Variants in HCN1 observed in about 807,000 individuals in gnomAD.
HCN1 encodes the protein hyperpolarization activated cyclic nucleotide gated potassium channel 1, also known as potassium/sodium hyperpolarization-activated cyclic nucleotide-gated channel 1.
Under a neutral mutation model 78.9 loss-of-function variants are expected in HCN1, and 13 were observed. The observed-to-expected ratio is 0.16, with a 90% CI of 0.11 to 0.26. The LOEUF (loss-of-function observed/expected upper bound fraction) is 0.26, where lower values mean the gene tolerates loss of function less well. Among genes scored for constraint, HCN1 ranks in the 10% least tolerant of loss-of-function variants. The pLI is 1.00. For missense variants in HCN1, 810 were observed against 1,154.3 expected, an observed-to-expected ratio of 0.70 and a Z score of 4.32; for synonymous variants, 552 against 455.5, an observed-to-expected ratio of 1.21 and a Z score of -2.70.
chr5:45,270,513 T>C (rs1306432770), intron 6 of HCN1, among the ~76,000 whole-genome samples: 1 of 152,186 alleles, frequency 6.6e-6, no homozygotes, highest in Non-Finnish European at 1.5e-5. Context: ...ACTTCACTCA[T>C]ATCAAAAGTA....
At chr5:45,375,479 AT>A (rs1400247239) in intron 4 of HCN1, among the ~76,000 whole-genome samples, 2 of 87,988 alleles carry the variant, frequency 2.3e-5, no homozygotes, top group Non-Finnish European at 3.7e-5. Flanking sequence ...ATAAGATCAT[AT>A]TTTATGATAC....
chr5:45,672,072 T>C (rs1365837754), intron 1 of HCN1, among the ~76,000 whole-genome samples: 1 of 151,528 alleles, frequency 6.6e-6, no homozygotes, highest in Non-Finnish European at 1.5e-5. Flanking sequence ...AGAGAGGATG[T>C]TGTGGAATAT....
chr5:45,458,714 T>A (rs1168951113), intron 3 of HCN1, among the ~76,000 whole-genome samples: 1 of 152,138 alleles, frequency 6.6e-6, no homozygotes, highest in African/African-American at 2.4e-5. Flanking sequence ...TACTCTTGGT[T>A]CTATAATCTA....
chr5:45,605,545 A>C (rs1744708489), intron 2 of HCN1, among the ~76,000 whole-genome samples: 1 of 151,726 alleles, frequency 6.6e-6, no homozygotes. Context: ...AACTGAAGAA[A>C]ACTAGTGTCA....
chr5:45,687,608 T>C (rs1261922727), intron 1 of HCN1, among the ~76,000 whole-genome samples: 1 of 152,158 alleles, frequency 6.6e-6, no homozygotes, highest in Non-Finnish European at 1.5e-5. Context: ...GGAGTATTTT[T>C]TATAATACTG....
In HCN1 at chr5:45,405,047, G is replaced by C. The variant is rs76175118; in HGVS notation, c.1012-8337C>G. Among the ~76,000 whole-genome samples, 130 of 152,192 alleles carry C rather than the reference G, an allele frequency of 8.5e-4. 1 individual carries two copies. In the East Asian group the frequency reaches 0.024, roughly 28 times the overall value. On this transcript the variant is annotated intron_variant, in intron 3 of 7. Coordinates refer to ENST00000303230, the MANE Select transcript of HCN1 (RefSeq NM_021072.4). ...ACTGCTAAAATATTGAAGAATTAAT[G>C]GATAATAAAGAGGTGAAATTAGAAA...
intron 4 of HCN1, among the ~76,000 whole-genome samples, chr5:45,395,807 A>G (rs1739675126): frequency 1.3e-5 from 2 of 152,140 alleles, no homozygotes; most frequent in Non-Finnish European, 2.9e-5. Context: ...TACTGTCCCA[A>G]TACCCTATAT....
At chr5:45,269,271 C>G (rs1376777680) in intron 6 of HCN1, among the ~76,000 whole-genome samples, 1 of 152,142 alleles carries the variant, frequency 6.6e-6, no homozygotes, top group Non-Finnish European at 1.5e-5. Flanking sequence ...TATTTGAATT[C>G]TACACTTTAA....
intron 1 of HCN1, among the ~76,000 whole-genome samples, chr5:45,693,882 T>C (rs1175986863): frequency 6.6e-6 from 1 of 152,226 alleles, no homozygotes; most frequent in African/African-American, 2.4e-5. Flanking sequence ...TGCATGTTAA[T>C]ATTGAACCTG....
At chr5:45,373,353 A>G (rs924563323) in intron 4 of HCN1, among the ~76,000 whole-genome samples, 3 of 119,648 alleles carry the variant, frequency 2.5e-5, no homozygotes, top group African/African-American at 1.0e-4. Context: ...TAAAATATAT[A>G]TTTATAAATA....
chr5:45,324,844 A>T (rs887946946), intron 5 of HCN1, among the ~76,000 whole-genome samples: 1 of 151,814 alleles, frequency 6.6e-6, no homozygotes, highest in African/African-American at 2.4e-5. Context: ...AAAATTTTTT[A>T]AAGTTAAAAT....
At chr5:45,361,967 T>C (rs1225705304) in intron 4 of HCN1, among the ~76,000 whole-genome samples, 1 of 152,134 alleles carries the variant, frequency 6.6e-6, no homozygotes, top group Non-Finnish European at 1.5e-5. Flanking sequence ...AAAACATCTT[T>C]AGTATGTTAA....
chr5:45,473,183 C>A (rs539803609), intron 2 of HCN1, among the ~76,000 whole-genome samples: 54 of 151,968 alleles, frequency 3.6e-4, no homozygotes, highest in Admixed American at 1.8e-3. Context: ...ATATTTTGTT[C>A]CAATATTAAC....
intron 2 of HCN1, among the ~76,000 whole-genome samples, chr5:45,568,178 C>A (rs1227733872): frequency 1.3e-5 from 2 of 151,854 alleles, no homozygotes; most frequent in African/African-American, 4.8e-5. Context: ...AGAGTATTTT[C>A]TCTTTCTTGA....
At chr5:45,363,280 A>G (rs925669019) in intron 4 of HCN1, among the ~76,000 whole-genome samples, 4 of 151,104 alleles carry the variant, frequency 2.6e-5, no homozygotes, top group African/African-American at 9.7e-5. Context: ...TGGAAAGTCC[A>G]TCTCAGGGTT....
chr5:45,375,301 A>T (rs534220901), intron 4 of HCN1, among the ~76,000 whole-genome samples: 188 of 118,998 alleles, frequency 1.6e-3, no homozygotes, highest in African/African-American at 5.9e-3. Context: ...ATATTTCATG[A>T]TATACAATAT....
chr5:45,545,735 T>C (rs536595599), intron 2 of HCN1, among the ~76,000 whole-genome samples: 32 of 152,262 alleles, frequency 2.1e-4, no homozygotes, highest in African/African-American at 7.2e-4. Flanking sequence ...TTTTGTCAGG[T>C]TTGTCAAAGA....
intron 2 of HCN1, among the ~76,000 whole-genome samples, chr5:45,628,843 GGT>G (rs1202423108): frequency 7.9e-5 from 12 of 151,762 alleles, no homozygotes; most frequent in African/African-American, 2.9e-4. Context: ...CATGCTGGTG[GGT>G]GCCTGTAATC....
Position 45,374,828 on chromosome 5 carries a change from AGAT to A in HCN1, c.1231-21585_1231-21583del, listed in dbSNP as rs1198500497. Among the ~76,000 whole-genome samples, 3 of 147,508 alleles carry A rather than the reference AGAT, an allele frequency of 2.0e-5. No individual in the cohort carries two copies. In the East Asian group the frequency reaches 5.9e-4, roughly 29 times the overall value. ...TAAAACCATATATATGTAGATAGAT[AGAT>A]ATCTTTTTCTTCAAGTGATTTTGTA... is the stretch of plus-strand genomic sequence containing the variant. On this transcript the variant is annotated intron_variant, in intron 4 of 7. Transcript: ENST00000303230.
Sources: allele counts gnomAD v4.1 joint callset (sites outside exome capture counted in the v4.1 genomes callset), GRCh38; gene constraint gnomAD v4.1.1; transcripts MANE v1.5; gene names NCBI Gene and HGNC (gene_info 2026-07-23, HGNC 2026-07-21).